Variants in NWD1 observed in about 807,000 individuals in gnomAD.
NWD1 encodes the protein NACHT domain- and WD repeat-containing protein 1.
Under a neutral mutation model 135.1 loss-of-function variants are expected in NWD1, and 129 were observed. The ratio of observed to expected loss-of-function variants is 0.96; its 90% confidence interval spans 0.83 to 1.11. NWD1 has a LOEUF of 1.11. NWD1 is among the 50% of genes least tolerant of loss of function. The pLI, the probability that NWD1 is intolerant of heterozygous loss-of-function variation, is 0.00. For synonymous variants in NWD1, 773 were observed against 786.0 expected (o/e 0.98, Z 0.28); for missense variants, 1,740 against 1,851.3 (o/e 0.94, Z 1.10).
In NWD1 at chr19:16,788,968, C is replaced by A. The variant is rs1331026279; in HGVS notation, c.2732-14C>A. The A allele has an allele frequency of 1.2e-6, 2 of 1,605,648 alleles. No homozygotes were observed. Among genetic ancestry groups the A allele is most frequent in the Middle Eastern group, 2.2e-4 (1 of 4,450 alleles). On this transcript the variant is annotated splice_polypyrimidine_tract_variant and intron_variant, in intron 12 of 18. Transcript: ENST00000524140. Reference sequence around the variant, plus strand: ...CCCAGCTAATATACTCTCCCCTACCCTGGCCTGCTGCAGGAGAGGTGAGGT... The same window carrying A: ...CCCAGCTAATATACTCTCCCCTACCATGGCCTGCTGCAGGAGAGGTGAGGT...
At chr19:16,788,613 A>T (rs1970137590) in intron 12 of NWD1, among the ~76,000 whole-genome samples, 1 of 151,126 alleles carries the variant, frequency 6.6e-6, no homozygotes, top group Non-Finnish European at 1.5e-5. Flanking sequence ...TGAAATAATT[A>T]TCCTTGATTA....
intron 4 of NWD1, among the ~76,000 whole-genome samples, chr19:16,743,182 A>G (rs986202880): frequency 3.3e-5 from 5 of 151,102 alleles, no homozygotes; most frequent in Non-Finnish European, 5.9e-5. Context: ...AAGTGTTGAG[A>G]TTACAGGCGT....
chr19:16,807,787 G>A lies in NWD1; in HGVS notation c.3938G>A (p.Arg1313His), dbSNP rs747635658. ...ATGTCCCTGAGCAAGTGCGAGGACCGCCTGGCCATCGCCTATGACAACATC... is the reference window on the plus strand; with the variant it reads ...ATGTCCCTGAGCAAGTGCGAGGACCACCTGGCCATCGCCTATGACAACATC... Reference protein sequence around the residue: ...NCMSLSKCEDRLAIAYDNIVL... With the variant: ...NCMSLSKCEDHLAIAYDNIVL... The change falls in exon 18 of 19, where the codon CGC (arginine) becomes CAC (histidine). Residue 1313 changes from arginine to histidine, a missense_variant. Arg to His is a conservative substitution (Grantham distance 29, BLOSUM62 0). Coordinates refer to ENST00000524140, the MANE Select transcript of NWD1 (RefSeq NM_001007525.5). The A allele has an allele frequency of 5.0e-5, 80 of 1,613,730 alleles. 2 individuals carry two copies. Among genetic ancestry groups the A allele is most frequent in the South Asian group, 9.9e-5 (9 of 91,086 alleles).
intron 15 of NWD1, among the ~76,000 whole-genome samples, chr19:16,796,779 C>T (rs1468632111): frequency 6.6e-6 from 1 of 152,124 alleles, no homozygotes; most frequent in African/African-American, 2.4e-5. Context: ...TGCTGTGTGC[C>T]CAGCTTTGTG....
intron 11 of NWD1, among the ~76,000 whole-genome samples, chr19:16,775,327 G>A (rs1006885076): frequency 6.6e-6 from 1 of 151,954 alleles, no homozygotes; most frequent in South Asian, 2.1e-4. Context: ...AATATCAGTG[G>A]CTTAAATAAG....
intron 18 of NWD1, 72 bp from the exon 19 acceptor site, chr19:16,814,956 A>G: frequency 7.2e-7 from 1 of 1,389,794 alleles, no homozygotes; most frequent in South Asian, 1.3e-5. Context: ...CATGCAGCCA[A>G]CTCTGGAATG....
At chr19:16,792,920 T>A (rs534291330) in intron 14 of NWD1, among the ~76,000 whole-genome samples, 42 of 142,908 alleles carry the variant, frequency 2.9e-4, no homozygotes, top group Non-Finnish European at 5.5e-4. Context: ...TGGTGCATAC[T>A]TGTACTCCCA....
chr19:16,741,967 C>T (rs866355259), intron 4 of NWD1, among the ~76,000 whole-genome samples: 40 of 151,856 alleles, frequency 2.6e-4, no homozygotes, highest in African/African-American at 8.9e-4. Flanking sequence ...AAAAATTAGC[C>T]GGGTGTGGTG....
At chr19:16,811,499 G>A (rs563762873) in intron 18 of NWD1, among the ~76,000 whole-genome samples, 2 of 151,142 alleles carry the variant, frequency 1.3e-5, no homozygotes, top group Admixed American at 6.6e-5. Context: ...CAAGAGAATC[G>A]CTTGAACCCA....
chr19:16,759,290 T>C lies in NWD1; in HGVS notation c.1835T>C (p.Val612Ala). The change falls in exon 7 of 19, where the codon GTG becomes GCG. Residue 612 changes from valine (V) to alanine (A), a missense_variant. Transcript: ENST00000524140. ...LSLDDEVLQD[V>A]YRDWTPPSKE... ...CTGGACGACGAGGTCCTGCAGGATG[T>C]GTACCGAGATTGGACCCCGCCCAGC... 1 of 1,614,136 alleles carries C rather than the reference T, an allele frequency of 6.2e-7. No homozygotes were observed. The highest frequency in any genetic ancestry group is 1.7e-5 in the Admixed American group (1 of 60,018).
At chr19:16,804,594 GT>G (rs561345788) in intron 17 of NWD1, among the ~76,000 whole-genome samples, 127 of 146,084 alleles carry the variant, frequency 8.7e-4, no homozygotes, top group Middle Eastern at 7.1e-3. Flanking sequence ...CTGTCTCTCT[GT>G]TTTTTTTTTT....
At chr19:16,746,100 A>G (rs185001343) in intron 5 of NWD1, among the ~76,000 whole-genome samples, 13 of 152,170 alleles carry the variant, frequency 8.5e-5, no homozygotes, top group African/African-American at 3.1e-4. Context: ...CATGCCTGTA[A>G]TCCCAGCACT....
chr19:16,739,074 T>G (rs1342210214), intron 4 of NWD1, among the ~76,000 whole-genome samples: 1 of 150,128 alleles, frequency 6.7e-6, no homozygotes, highest in Non-Finnish European at 1.5e-5. Flanking sequence ...ATTACTGCTT[T>G]AAAATATATC....
chr19:16,758,710 A>G (rs1348162776), intron 6 of NWD1, among the ~76,000 whole-genome samples: 1 of 152,104 alleles, frequency 6.6e-6, no homozygotes, highest in Non-Finnish European at 1.5e-5. Context: ...TTCGAGGTTG[A>G]GGAGCGGGCC....
chr19:16,743,210 C>T (rs1968159822), intron 4 of NWD1, among the ~76,000 whole-genome samples: 1 of 149,448 alleles, frequency 6.7e-6, no homozygotes, highest in South Asian at 2.1e-4. Flanking sequence ...CTTGCCTGGC[C>T]CCATTATTTG....
intron 5 of NWD1, among the ~76,000 whole-genome samples, chr19:16,748,885 C>T (rs1044303901): frequency 1.3e-5 from 2 of 152,082 alleles, no homozygotes; most frequent in East Asian, 1.9e-4. Flanking sequence ...ACTCTGGGTG[C>T]AGTCCCTGGA....
chr19:16,730,958 C>T (rs377707846), intron 2 of NWD1, among the ~76,000 whole-genome samples: 7 of 144,874 alleles, frequency 4.8e-5, no homozygotes, highest in South Asian at 2.2e-4. Flanking sequence ...AGGCTTTAGC[C>T]GCAGGCCAGG....
chr19:16,817,185 A>T lies in NWD1; in HGVS notation c.*2146A>T. On this transcript the variant is annotated 3_prime_UTR_variant, in exon 19 of 19. Coordinates refer to ENST00000524140, the MANE Select transcript of NWD1 (RefSeq NM_001007525.5). ...CATGGTGGTGAGTGCCTGTAATCTC[A>T]GTTACTCAGGAGGCTGAGTCAGGAG... 6.6e-6 allele frequency: 1 copy of T among 152,220 alleles called. No homozygotes were observed. The highest frequency in any genetic ancestry group is 1.9e-4 in the East Asian group (1 of 5,192). The allele number at this position is 152,220 out of a possible 1,614,324, so 9.4% of individuals were successfully genotyped here.
rs753243906 is a variant in NWD1 at position 16,765,236 on chromosome 19, G to A, written c.2410+44G>A. The A allele has an allele frequency of 8.9e-6, 14 of 1,576,522 alleles. No individual in the cohort carries two copies. In the Admixed American group the frequency reaches 2.4e-4, roughly 27 times the overall value. On this transcript the variant is annotated intron_variant, in intron 10 of 18. Transcript: ENST00000524140. ...GATAGGAGTGACCAGGACGGGCACT[G>A]ACTTCTAGAAACATGCTCTCCTCAT...
Sources: gnomAD v4.1 joint callset for allele counts (sites outside exome capture counted in the v4.1 genomes callset) on GRCh38, gnomAD v4.1.1 for gene constraint, MANE v1.5 for transcripts, NCBI Gene and HGNC (gene_info 2026-07-23, HGNC 2026-07-21) for gene names.